The following ARHGEF12 variants were observed in gnomAD, a reference collection of about 807,000 sequenced individuals.
ARHGEF12 encodes KMT2A/ARHGEF12 fusion protein.
A neutral mutation model predicts 211.2 loss-of-function variants in ARHGEF12; 66 were observed. That is an observed-to-expected ratio of 0.31 (90% confidence interval 0.26 to 0.38). ARHGEF12 has a LOEUF of 0.38. Ranked by LOEUF, ARHGEF12 falls within the 10% of genes least tolerant of loss-of-function variation. The pLI, the probability that ARHGEF12 is intolerant of heterozygous loss-of-function variation, is 1.00. For synonymous variants in ARHGEF12, 592 were observed against 638.4 expected (o/e 0.93, Z 1.09); for missense variants, 1,429 against 1,869.5 (o/e 0.76, Z 4.34).
chr11:120,411,581 C>CTTTTTTTTTTT lies in ARHGEF12; in HGVS notation c.199+2147_199+2157dup, dbSNP rs56970429. On this transcript the variant is annotated intron_variant, in intron 4 of 40. Coordinates refer to ENST00000397843, the MANE Select transcript of ARHGEF12 (RefSeq NM_015313.3). ...TATTATTTATTTTAAACTTTCTTGGCTTTTTTTTTTTTTTTTTTTTTTTTT... is the reference window on the plus strand; with the variant it reads ...TATTATTTATTTTAAACTTTCTTGGCTTTTTTTTTTTTTTTTTTTTTTTTTTTTTTTTTTTT... The CTTTTTTTTTTT allele has an allele frequency of 4.9e-5, 2 of 40,678 alleles. 1 individual carries two copies. Among genetic ancestry groups the CTTTTTTTTTTT allele is most frequent in the Admixed American group, 7.5e-4 (2 of 2,662 alleles). 2.5% of individuals were successfully genotyped at this position (40,678 alleles called of 1,614,324 possible).
At chr11:120,482,625 G>T (rs1385159797) in intron 39 of ARHGEF12, among the ~76,000 whole-genome samples, 1 of 151,850 alleles carries the variant, frequency 6.6e-6, no homozygotes, top group Non-Finnish European at 1.5e-5. Context: ...GGCGCCTGTA[G>T]TCCCAGCTAC....
At chr11:120,452,407 T>C (rs544675667) in intron 22 of ARHGEF12, among the ~76,000 whole-genome samples, 5 of 152,238 alleles carry the variant, frequency 3.3e-5, no homozygotes, top group African/African-American at 1.2e-4. Context: ...TCATCCTTGT[T>C]TGGGAGGCGG....
chr11:120,466,500 TGTG>T (rs1241737126), intron 28 of ARHGEF12, among the ~76,000 whole-genome samples: 6 of 152,322 alleles, frequency 3.9e-5, no homozygotes, highest in African/African-American at 1.4e-4. Flanking sequence ...CTCAAAATCA[TGTG>T]GTGGCAACCT....
In ARHGEF12 at chr11:120,481,317, A is replaced by G; in HGVS notation, c.4295A>G (p.Glu1432Gly). ...GTGCAGGAGAGTTCCACAGATGAGG[A>G]GGTTGCTTCCTCACTTACCCTGCAG... ...DPVQESSTDEEVASSLTLQPM... is the reference protein window; with the variant it reads ...DPVQESSTDEGVASSLTLQPM... The change falls in exon 39 of 41, where the codon GAG (glutamate) becomes GGG (glycine). Residue 1432 changes from glutamate (E) to glycine (G), a missense_variant. Physicochemically the swap from Glu to Gly is moderately conservative, Grantham distance 98. Coordinates refer to ENST00000397843, the MANE Select transcript of ARHGEF12 (RefSeq NM_015313.3). 6.2e-7 allele frequency: 1 copy of G among 1,614,116 alleles called. No individual in the cohort carries two copies. The highest frequency in any genetic ancestry group is 8.5e-7 in the Non-Finnish European group (1 of 1,180,026).
At chr11:120,416,022 G>C (rs1420429819) in intron 4 of ARHGEF12, among the ~76,000 whole-genome samples, 1 of 152,086 alleles carries the variant, frequency 6.6e-6, no homozygotes, top group Non-Finnish European at 1.5e-5. Flanking sequence ...ATCTCCTTTT[G>C]CTGTAGAATT....
rs1418351353 is a variant in ARHGEF12 at position 120,451,381 on chromosome 11, A to G, written c.1844-131A>G. On this transcript the variant is annotated intron_variant, in intron 21 of 40. Transcript: ENST00000397843. ...TTTAATAGAGACGGGGTTTCACCAT[A>G]TTAGCCAGGATGGTCTCGATCTCCT... The G allele has an allele frequency of 2.3e-5, 17 of 731,858 alleles. 1 individual carries two copies. The highest frequency in any genetic ancestry group is 4.0e-4 in the Middle Eastern group (1 of 2,514). The allele number at this position is 731,858 out of a possible 1,614,324, so 45.3% of individuals were successfully genotyped here. A position where few individuals can be genotyped will look rare whatever the true frequency, so the allele number is the denominator to read the frequency against.
At chr11:120,416,504 T>C (rs1222687524) in intron 4 of ARHGEF12, among the ~76,000 whole-genome samples, 1 of 152,154 alleles carries the variant, frequency 6.6e-6, no homozygotes, top group Non-Finnish European at 1.5e-5. Context: ...GAAGACTGAT[T>C]CTTTTCTTAA....
rs149531992 is a variant in ARHGEF12, at chr11:120,359,683, A to G, written c.32+22408A>G. 4.4e-3 allele frequency among the ~76,000 whole-genome samples: 673 copies of G among 152,338 alleles called. 3 individuals carry two copies. The highest frequency in any genetic ancestry group is 6.9e-3 in the Admixed American group (105 of 15,310). ...TGTGATGGTAGTTGAAGAAACTTGA[A>G]TAGGTGTAGATCAACAAGGATGAGA... On this transcript the variant is annotated intron_variant, in intron 1 of 40. Coordinates refer to ENST00000397843, the MANE Select transcript of ARHGEF12 (RefSeq NM_015313.3).
chr11:120,447,491 G>T (rs1946078519), intron 18 of ARHGEF12, among the ~76,000 whole-genome samples: 1 of 152,072 alleles, frequency 6.6e-6, no homozygotes, highest in African/African-American at 2.4e-5. Context: ...AAAGCATTTG[G>T]CTCTGTTCTG....
chr11:120,433,783 G>A (rs755485965), intron 11 of ARHGEF12, among the ~76,000 whole-genome samples: 38 of 152,110 alleles, frequency 2.5e-4, no homozygotes, highest in East Asian at 1.2e-3. Flanking sequence ...GTGAAACCCC[G>A]TCTCTACTAA....
intron 1 of ARHGEF12, among the ~76,000 whole-genome samples, chr11:120,391,665 C>G (rs1944221531): frequency 6.6e-6 from 1 of 152,236 alleles, no homozygotes; most frequent in Admixed American, 6.5e-5. Context: ...ACCAGATTGC[C>G]TCTCAGTATT....
chr11:120,347,040 C>T (rs1446268452), intron 1 of ARHGEF12, among the ~76,000 whole-genome samples: 2 of 151,992 alleles, frequency 1.3e-5, no homozygotes, highest in Non-Finnish European at 2.9e-5. Context: ...ATTTGACAGC[C>T]TGAACTTGTT....
chr11:120,448,404 G>T (rs757911811), intron 20 of ARHGEF12, 56 bp downstream of exon 20: 1 of 1,329,478 alleles, frequency 7.5e-7, no homozygotes, highest in Non-Finnish European at 1.1e-6. Context: ...TTTACATTTG[G>T]TTGCAGTGTC....
Position 120,477,322 on chromosome 11 carries a change from A to C in ARHGEF12, c.3452+17A>C, listed in dbSNP as rs562581087. The C allele has an allele frequency of 6.2e-7, 1 of 1,612,506 alleles. No homozygotes were observed. The highest frequency in any genetic ancestry group is 1.7e-5 in the Admixed American group (1 of 59,922). ...ACCTGGCGAGTGAGTGTTCCTTTGCATTGTAGTAGGACTTATTTTATGTTT... is the reference window on the plus strand; with the variant it reads ...ACCTGGCGAGTGAGTGTTCCTTTGCCTTGTAGTAGGACTTATTTTATGTTT... On this transcript the variant is annotated intron_variant, in intron 35 of 40. Coordinates refer to ENST00000397843, the MANE Select transcript of ARHGEF12 (RefSeq NM_015313.3).
intron 23 of ARHGEF12, 58 bp downstream of exon 23, chr11:120,457,308 T>C (rs1946392280): frequency 1.3e-6 from 2 of 1,585,686 alleles, no homozygotes; most frequent in Non-Finnish European, 1.7e-6. Context: ...TTAAATTATA[T>C]GCTATTCCTA....
chr11:120,448,640 C>T, intron 20 of ARHGEF12: 1 of 384,880 alleles, frequency 2.6e-6, no homozygotes, highest in South Asian at 4.4e-5. Flanking sequence ...ACTAAATACC[C>T]CCTGTGTTGC....
intron 30 of ARHGEF12, among the ~76,000 whole-genome samples, chr11:120,472,493 A>C (rs949712173): frequency 1.3e-5 from 2 of 152,180 alleles, no homozygotes; most frequent in Non-Finnish European, 2.9e-5. Flanking sequence ...ACATATTCAG[A>C]AAATAAATAT....
chr11:120,432,908 G>GT (rs1208898292), intron 11 of ARHGEF12, among the ~76,000 whole-genome samples: 3 of 152,082 alleles, frequency 2.0e-5, no homozygotes, highest in African/African-American at 7.2e-5. Context: ...GGATTTGTGG[G>GT]TTTTTTGTTT....
intron 3 of ARHGEF12, chr11:120,408,907 T>A (rs142458848): frequency 1.3e-5 from 2 of 152,494 alleles, no homozygotes; most frequent in East Asian, 3.9e-4. Flanking sequence ...AATTTTGTAG[T>A]CATGGGGCTC....
Sources: allele counts gnomAD v4.1 joint callset (sites outside exome capture counted in the v4.1 genomes callset), GRCh38; gene constraint gnomAD v4.1.1; transcripts MANE v1.5; gene names NCBI Gene and HGNC (gene_info 2026-07-23, HGNC 2026-07-21).